The following TENM3 variants were observed in gnomAD, a reference collection of about 807,000 sequenced individuals.
TENM3 encodes teneurin transmembrane protein 3, also known as teneurin-3.
In TENM3, 63 loss-of-function variants were observed where a neutral mutation model predicts 255.1. The observed-to-expected ratio is 0.25, with a 90% CI of 0.20 to 0.30. The LOEUF is 0.30. TENM3 is among the 10% of genes least tolerant of loss of function. The probability of loss-of-function intolerance (pLI) is 1.00; values close to 1 mark genes in which losing one functional copy is unlikely to be tolerated. For missense variants in TENM3, 2,929 were observed against 3,461.1 expected, an observed-to-expected ratio of 0.85 and a Z score of 3.86; for synonymous variants, 1,306 against 1,322.3, an observed-to-expected ratio of 0.99 and a Z score of 0.27.
the TENM3 span, among the ~76,000 whole-genome samples, chr4:181,885,030 G>A: frequency 4.6e-5 from 7 of 151,800 alleles, no homozygotes; most frequent in African/African-American, 1.5e-4. Flanking sequence ...GTCTCAAAGG[G>A]GCGTCATGTG....
chr4:181,914,605 G>A, the TENM3 span, among the ~76,000 whole-genome samples: 14 of 152,124 alleles, frequency 9.2e-5, no homozygotes, highest in Admixed American at 9.2e-4. Flanking sequence ...GCATAAAATG[G>A]CTGCTAAAAT....
At chr4:182,363,330 C>G (rs1766166700) in intron 3 of TENM3, among the ~76,000 whole-genome samples, 2 of 151,392 alleles carry the variant, frequency 1.3e-5, no homozygotes, top group Admixed American at 6.6e-5. Flanking sequence ...AGTGTGTGTA[C>G]ATATTCATAT....
the TENM3 span, among the ~76,000 whole-genome samples, chr4:181,752,419 G>A: frequency 2.0e-5 from 3 of 152,066 alleles, no homozygotes; most frequent in Non-Finnish European, 2.9e-5. Context: ...GGGCGTGGTG[G>A]CGGGTGCCTG....
At chr4:182,056,533 G>C in the TENM3 span, among the ~76,000 whole-genome samples, 1 of 152,100 alleles carries the variant, frequency 6.6e-6, no homozygotes, top group African/African-American at 2.4e-5. Flanking sequence ...GAAGTGTTTT[G>C]CATTTTACAC....
the TENM3 span, among the ~76,000 whole-genome samples, chr4:181,957,075 T>C: frequency 1.1e-4 from 17 of 152,352 alleles, no homozygotes; most frequent in African/African-American, 3.8e-4. Context: ...ATTGCTGGAA[T>C]GACCTATCTC....
intron 6 of TENM3, among the ~76,000 whole-genome samples, chr4:182,669,016 A>T (rs959600823): frequency 1.3e-5 from 2 of 152,188 alleles, no homozygotes; most frequent in East Asian, 3.9e-4. Context: ...CGGATAGTAG[A>T]TGAAACTTGT....
rs1295966638 is a variant in TENM3, at chr4:182,774,863, G to A, written c.5069-55G>A. The A allele has an allele frequency of 4.6e-6, 6 of 1,315,372 alleles. No individual in the cohort carries two copies. The Admixed American group carries it at 8.0e-5, about 18-fold the overall frequency. 81.5% of individuals were successfully genotyped at this position (1,315,372 alleles called of 1,614,324 possible). A position where few individuals can be genotyped will look rare whatever the true frequency, so the allele number is the denominator to read the frequency against. ...TAGAACCTATCTCACGGCACAACCG[G>A]CCAAGTATTTAATCCATATCTAATA... On this transcript the variant is annotated intron_variant, in intron 23 of 27. Transcript: ENST00000511685.
At chr4:181,926,895 A>T in the TENM3 span, among the ~76,000 whole-genome samples, 1 of 152,008 alleles carries the variant, frequency 6.6e-6, no homozygotes, top group East Asian at 2.0e-4. Context: ...CACCTCACCC[A>T]GGAGGTGCAA....
intron 1 of TENM3, among the ~76,000 whole-genome samples, chr4:182,294,316 TAGATC>T (rs1489627634): frequency 1.3e-5 from 2 of 152,156 alleles, no homozygotes; most frequent in Non-Finnish European, 2.9e-5. Context: ...ACTGAAGATC[TAGATC>T]CCAGGTGGAA....
At chr4:182,505,422 A>T (rs1736713751) in intron 3 of TENM3, among the ~76,000 whole-genome samples, 1 of 152,082 alleles carries the variant, frequency 6.6e-6, no homozygotes, top group African/African-American at 2.4e-5. Context: ...AGATTTCTTT[A>T]TTGCTGTAAT....
At chr4:181,638,625 C>G in the TENM3 span, among the ~76,000 whole-genome samples, 1 of 152,088 alleles carries the variant, frequency 6.6e-6, no homozygotes, top group Non-Finnish European at 1.5e-5. Flanking sequence ...GAGATTTGCT[C>G]TTTTTGCTAC....
intron 3 of TENM3, among the ~76,000 whole-genome samples, chr4:182,576,308 C>T (rs752264617): frequency 6.6e-5 from 10 of 152,098 alleles, no homozygotes; most frequent in Non-Finnish European, 1.3e-4. Flanking sequence ...GACACACATG[C>T]GGTAGGTCTG....
At chr4:181,871,803 C>T in the TENM3 span, among the ~76,000 whole-genome samples, 1 of 152,010 alleles carries the variant, frequency 6.6e-6, no homozygotes, top group Non-Finnish European at 1.5e-5. Context: ...GCTTTCCTTC[C>T]TTCATACATT....
In TENM3 at chr4:182,753,450, G is replaced by T. The variant is rs1168351713; in HGVS notation, c.3863G>T (p.Gly1288Val). The change falls in exon 21 of 28, where the codon GGA (glycine) becomes GTA (valine). Residue 1288 changes from glycine to valine, a missense_variant and splice_region_variant. Gly to Val is a moderately radical substitution (Grantham distance 109). This residue lies in a region of TENM3 where 1,608 missense variants were observed against 1,884.4 expected (regional missense o/e 0.85). Coordinates refer to ENST00000511685, the MANE Select transcript of TENM3 (RefSeq NM_001080477.4). ...TAATACTTGCTTCTCTCAAATACAG[G>T]AATGGCAGTTGATAAGAATGGATTA... ...AVEATLMSPK[G>V]MAVDKNGLIY... The T allele has an allele frequency of 1.2e-6, 2 of 1,611,792 alleles. No homozygotes were observed. Among genetic ancestry groups the T allele is most frequent in the Non-Finnish European group, 1.7e-6 (2 of 1,178,754 alleles).
chr4:182,549,038 T>A (rs1444466296), intron 3 of TENM3, among the ~76,000 whole-genome samples: 1 of 152,192 alleles, frequency 6.6e-6, no homozygotes. Flanking sequence ...CAGCAATAAC[T>A]TAACTAAGTG....
At chr4:182,413,949 C>CA (rs1260024192) in intron 3 of TENM3, among the ~76,000 whole-genome samples, 2 of 152,110 alleles carry the variant, frequency 1.3e-5, no homozygotes, top group African/African-American at 2.4e-5. Context: ...ATAATACTGT[C>CA]AATGAGAATG....
the TENM3 span, among the ~76,000 whole-genome samples, chr4:181,525,793 C>A: frequency 6.6e-6 from 1 of 152,154 alleles, no homozygotes. Context: ...TTACCACATA[C>A]TAATGAGGGC....
chr4:182,659,557 G>T (rs1313067963), intron 6 of TENM3, among the ~76,000 whole-genome samples: 1 of 152,092 alleles, frequency 6.6e-6, no homozygotes, highest in Non-Finnish European at 1.5e-5. Flanking sequence ...TGGCACCGTC[G>T]TTCACTTCAT....
At chr4:182,175,307 AAAAAAAAATAT>A (rs1561168000) in intron 1 of TENM3, among the ~76,000 whole-genome samples, 1 of 103,258 alleles carries the variant, frequency 9.7e-6, no homozygotes, top group East Asian at 2.0e-4. Context: ...TTCATTAAAA[AAAAAAAAATAT>A]ATATATATAT....
Sources: gnomAD v4.1 joint callset for allele counts (sites outside exome capture counted in the v4.1 genomes callset) on GRCh38, gnomAD v4.1.1 for gene constraint, gnomAD v4.1.1 regional missense constraint, MANE v1.5 for transcripts, NCBI Gene and HGNC (gene_info 2026-07-23, HGNC 2026-07-21) for gene names.